The following CNTN6 variants were observed in gnomAD, a reference collection of about 807,000 sequenced individuals.
The protein encoded by CNTN6 is contactin 6, also known as contactin-6.
A neutral mutation model predicts 122.8 loss-of-function variants in CNTN6; 137 were observed. The ratio of observed to expected loss-of-function variants is 1.12; its 90% CI spans 0.97 to 1.29. The LOEUF (loss-of-function observed/expected upper bound fraction) is 1.29. Among genes scored for constraint, CNTN6 ranks in the 50% most tolerant of loss-of-function variants. The probability of loss-of-function intolerance (pLI) is 0.00; values close to 1 mark genes in which losing one functional copy is unlikely to be tolerated. For synonymous variants in CNTN6, 570 were observed against 426.0 expected, an observed-to-expected ratio of 1.34 and a Z score of -4.16; for missense variants, 1,634 against 1,223.4, an observed-to-expected ratio of 1.34 and a Z score of -5.01.
At chr3:1,358,624 T>C (rs1364519083) in intron 12 of CNTN6, among the ~76,000 whole-genome samples, 1 of 151,960 alleles carries the variant, frequency 6.6e-6, no homozygotes, top group East Asian at 1.9e-4. Context: ...GGGGAAAAAA[T>C]AATCACATGA....
chr3:1,122,014 T>C (rs2091965531), intron 1 of CNTN6, among the ~76,000 whole-genome samples: 1 of 152,024 alleles, frequency 6.6e-6, no homozygotes. Flanking sequence ...ACCTCAGTTT[T>C]CTTATTTGTA....
intron 1 of CNTN6, among the ~76,000 whole-genome samples, chr3:1,123,733 T>C (rs994176145): frequency 6.6e-6 from 1 of 151,978 alleles, no homozygotes; most frequent in Non-Finnish European, 1.5e-5. Flanking sequence ...TGAACAGCAA[T>C]GGTGAAGGAG....
intron 4 of CNTN6, among the ~76,000 whole-genome samples, chr3:1,254,204 C>T (rs528216851): frequency 1.3e-3 from 191 of 152,208 alleles, no homozygotes; most frequent in African/African-American, 4.3e-3. Context: ...TCCCTCCCTT[C>T]CCAGAAGTAA....
At chr3:1,117,400 A>G (rs1207345756) in intron 1 of CNTN6, among the ~76,000 whole-genome samples, 1 of 152,136 alleles carries the variant, frequency 6.6e-6, no homozygotes, top group Non-Finnish European at 1.5e-5. Context: ...CTGAATAATT[A>G]GGAGGCAGAA....
intron 2 of CNTN6, among the ~76,000 whole-genome samples, chr3:1,151,581 C>T (rs2092843670): frequency 6.6e-6 from 1 of 152,142 alleles, no homozygotes; most frequent in South Asian, 2.1e-4. Flanking sequence ...AAGAAAGCAG[C>T]TTCATTCACT....
chr3:1,377,712 G>A (rs774591049), intron 17 of CNTN6, among the ~76,000 whole-genome samples: 59 of 152,208 alleles, frequency 3.9e-4, no homozygotes, highest in Non-Finnish European at 6.2e-4. Flanking sequence ...AAGGGAATAC[G>A]TGGTCAGTTC....
At chr3:1,248,803 T>C (rs1158330799) in intron 4 of CNTN6, among the ~76,000 whole-genome samples, 1 of 151,622 alleles carries the variant, frequency 6.6e-6, no homozygotes, top group Admixed American at 6.6e-5. Flanking sequence ...CTGGGCGACA[T>C]GAGTGAAACT....
At chr3:1,363,523 T>A (rs886625147) in intron 12 of CNTN6, among the ~76,000 whole-genome samples, 1 of 151,950 alleles carries the variant, frequency 6.6e-6, no homozygotes, top group Non-Finnish European at 1.5e-5. Context: ...GATTTTTCTT[T>A]CTGTGCCTGG....
chr3:1,231,543 C>T (rs2094352507), intron 4 of CNTN6, among the ~76,000 whole-genome samples: 1 of 152,178 alleles, frequency 6.6e-6, no homozygotes, highest in Non-Finnish European at 1.5e-5. Flanking sequence ...GACTGTAACA[C>T]TCTGCTTCAT....
At position 1,241,141 on chromosome 3, in the gene CNTN6, C is replaced by T. The variant is rs554602397; in HGVS notation, c.358+13148C>T. On this transcript the variant is annotated intron_variant, in intron 4 of 22. Coordinates refer to ENST00000446702, the MANE Select transcript of CNTN6 (RefSeq NM_001289080.2). Reference sequence around the variant, plus strand: ...ATGTCATCAGTTAAGGCTGTTTTTACTTCTTTTGTGGATCTTCAGTTACTT... The same window carrying T: ...ATGTCATCAGTTAAGGCTGTTTTTATTTCTTTTGTGGATCTTCAGTTACTT... 2.0e-5 allele frequency among the ~76,000 whole-genome samples: 3 copies of T among 152,200 alleles called. No individual in the cohort carries two copies. In the South Asian group the frequency reaches 6.2e-4, roughly 32 times the overall value.
intron 1 of CNTN6, among the ~76,000 whole-genome samples, chr3:1,093,886 G>T (rs1188528998): frequency 1.3e-5 from 2 of 152,116 alleles, no homozygotes; most frequent in Non-Finnish European, 2.9e-5. Context: ...ATTGGGGTTT[G>T]GGGGGAAAAT....
chr3:1,318,359 A>G (rs893383666), intron 7 of CNTN6, among the ~76,000 whole-genome samples: 12 of 151,596 alleles, frequency 7.9e-5, no homozygotes, highest in Non-Finnish European at 1.3e-4. Flanking sequence ...TCAATTCTCT[A>G]GACTTCCATT....
intron 12 of CNTN6, among the ~76,000 whole-genome samples, chr3:1,362,022 G>A (rs191803747): frequency 1.1e-4 from 17 of 152,208 alleles, no homozygotes; most frequent in Middle Eastern, 6.8e-3. Flanking sequence ...AAACCAAATA[G>A]AATGAAGTCT....
At chr3:1,326,922 T>C (rs904980065) in intron 9 of CNTN6, among the ~76,000 whole-genome samples, 2 of 151,942 alleles carry the variant, frequency 1.3e-5, no homozygotes, top group African/African-American at 4.8e-5. Context: ...ATTGTATTTC[T>C]ATACCCCACA....
intron 11 of CNTN6, among the ~76,000 whole-genome samples, chr3:1,334,450 A>T (rs1243260085): frequency 6.6e-6 from 1 of 151,960 alleles, no homozygotes; most frequent in African/African-American, 2.4e-5. Context: ...CAACTTTAGG[A>T]AATATTAAAC....
In CNTN6 at chr3:1,229,805, C is replaced by T. The variant is rs150859521; in HGVS notation, c.358+1812C>T. On this transcript the variant is annotated intron_variant, in intron 4 of 22. Transcript: ENST00000446702. ...TTTCCCATCTTATCATAAAATTTTC[C>T]ATTTTGGGGCAGAAGGTGTATGACT... Among the ~76,000 whole-genome samples, 31 of 152,220 alleles carry T rather than the reference C, an allele frequency of 2.0e-4. No homozygotes were observed. The East Asian group carries it at 5.6e-3, about 28-fold the overall frequency.
intron 1 of CNTN6, among the ~76,000 whole-genome samples, chr3:1,118,848 A>C (rs550472387): frequency 6.6e-6 from 1 of 151,928 alleles, no homozygotes; most frequent in Non-Finnish European, 1.5e-5. Context: ...GCTGCTTTCC[A>C]ATACCTCTTA....
At chr3:1,141,379 C>T (rs1350215504) in intron 1 of CNTN6, among the ~76,000 whole-genome samples, 6 of 152,094 alleles carry the variant, frequency 3.9e-5, no homozygotes, top group Admixed American at 6.6e-5. Context: ...AAGGGGAGAA[C>T]GAAGCCCGTG....
chr3:1,345,299 A>G (rs1359361875), intron 11 of CNTN6, among the ~76,000 whole-genome samples: 1 of 151,982 alleles, frequency 6.6e-6, no homozygotes, highest in Non-Finnish European at 1.5e-5. Context: ...TATTTTCAGT[A>G]CAGACGGGGT....
Sources: gnomAD v4.1 joint callset for allele counts (sites outside exome capture counted in the v4.1 genomes callset) on GRCh38, gnomAD v4.1.1 for gene constraint, MANE v1.5 for transcripts, NCBI Gene and HGNC (gene_info 2026-07-23, HGNC 2026-07-21) for gene names.